The following TAFA5 variants were observed in gnomAD, a reference collection of about 807,000 sequenced individuals.
TAFA5 encodes the protein chemokine-like protein TAFA-5.
A neutral mutation model predicts 15.3 loss-of-function variants in TAFA5; 6 were observed. The observed-to-expected ratio is 0.39, with a 90% CI of 0.21 to 0.77. The LOEUF (loss-of-function observed/expected upper bound fraction) is 0.77. TAFA5 is among the 30% of genes least tolerant of loss of function. The probability of loss-of-function intolerance (pLI) is 0.41; values close to 1 mark genes in which losing one functional copy is unlikely to be tolerated. For synonymous variants in TAFA5, 103 were observed against 80.7 expected (o/e 1.28, Z -1.48); for missense variants, 161 against 193.1 (o/e 0.83, Z 0.98).
At chr22:48,542,478 GTGGT>G (rs1215193345) in intron 1 of TAFA5, among the ~76,000 whole-genome samples, 3 of 66,348 alleles carry the variant, frequency 4.5e-5, no homozygotes, top group Non-Finnish European at 7.8e-5. Flanking sequence ...GTATGTGTGT[GTGGT>G]GTGTGTGTGG....
intron 3 of TAFA5, among the ~76,000 whole-genome samples, chr22:48,721,402 CTGTG>C (rs1345133259): frequency 6.6e-6 from 1 of 152,226 alleles, no homozygotes; most frequent in Non-Finnish European, 1.5e-5. Flanking sequence ...AGCCCGTCCA[CTGTG>C]TGTGATCTCA....
At chr22:48,673,571 C>G (rs1458021479) in intron 2 of TAFA5, among the ~76,000 whole-genome samples, 1 of 152,172 alleles carries the variant, frequency 6.6e-6, no homozygotes, top group African/African-American at 2.4e-5. Context: ...ATGGCTGGTG[C>G]CCTGTCGCTG....
intron 3 of TAFA5, among the ~76,000 whole-genome samples, chr22:48,724,235 C>T (rs1388061831): frequency 6.6e-6 from 1 of 152,230 alleles, no homozygotes; most frequent in Non-Finnish European, 1.5e-5. Context: ...TGCATTGCTG[C>T]ATCTCTCAAA....
intron 3 of TAFA5, among the ~76,000 whole-genome samples, chr22:48,718,136 T>C (rs1929457931): frequency 6.6e-6 from 1 of 152,098 alleles, no homozygotes; most frequent in Admixed American, 6.5e-5. Context: ...GGGTCTGCAA[T>C]GCCCTCTCCC....
intron 3 of TAFA5, among the ~76,000 whole-genome samples, chr22:48,710,642 C>T (rs979482176): frequency 3.3e-5 from 5 of 152,224 alleles, no homozygotes; most frequent in Non-Finnish European, 7.3e-5. Flanking sequence ...TCAGTCCAAG[C>T]CCACAGGGCC....
At chr22:48,738,020 G>C (rs1169191023) in intron 3 of TAFA5, among the ~76,000 whole-genome samples, 2 of 152,150 alleles carry the variant, frequency 1.3e-5, no homozygotes, top group Non-Finnish European at 2.9e-5. Flanking sequence ...GAGGACATGA[G>C]GGAGATCCTG....
rs528478233 is a variant in TAFA5 at position 48,602,039 on chromosome 22, G to A, written c.113-44558G>A. On this transcript the variant is annotated intron_variant, in intron 1 of 3. Coordinates refer to ENST00000402357, the MANE Select transcript of TAFA5 (RefSeq NM_001082967.3). ...ACGCTGGTGGGTTAAGCCCTCAGAG[G>A]TCTGTGGCTGGCACCAGCCTTCATC... Among the ~76,000 whole-genome samples the A allele has an allele frequency of 5.3e-5, 8 of 152,272 alleles. No individual in the cohort carries two copies. In the South Asian group the frequency reaches 1.7e-3, roughly 32 times the overall value.
chr22:48,683,976 C>T (rs1928276100), intron 2 of TAFA5, among the ~76,000 whole-genome samples: 1 of 152,182 alleles, frequency 6.6e-6, no homozygotes, highest in Non-Finnish European at 1.5e-5. Context: ...TGTGGCCTCC[C>T]CAGCCATGAG....
chr22:48,661,118 C>T (rs1177990782), intron 2 of TAFA5, among the ~76,000 whole-genome samples: 4 of 152,194 alleles, frequency 2.6e-5, no homozygotes, highest in African/African-American at 9.7e-5. Context: ...AGAGCACGTA[C>T]GGGGTGTGTG....
chr22:48,521,665 G>A (rs1327088375), intron 1 of TAFA5, among the ~76,000 whole-genome samples: 1 of 152,182 alleles, frequency 6.6e-6, no homozygotes, highest in Non-Finnish European at 1.5e-5. Context: ...GGGAGACGGA[G>A]GATGCGTGGC....
intron 3 of TAFA5, among the ~76,000 whole-genome samples, chr22:48,715,929 G>A (rs2147257150): frequency 6.6e-6 from 1 of 152,332 alleles, no homozygotes; most frequent in South Asian, 2.1e-4. Flanking sequence ...TTTGTATAAG[G>A]TGTAAGGAAG....
intron 3 of TAFA5, among the ~76,000 whole-genome samples, 199 bp from the exon 4 acceptor site, chr22:48,749,638 CGA>C (rs1930424436): frequency 6.6e-6 from 1 of 152,168 alleles, no homozygotes; most frequent in Non-Finnish European, 1.5e-5. Flanking sequence ...CCCACTCTCC[CGA>C]GACACAAGGA....
rs138706678 is a variant in TAFA5, at chr22:48,646,259, G to T, written c.113-338G>T. On this transcript the variant is annotated intron_variant, in intron 1 of 3. Coordinates refer to ENST00000402357, the MANE Select transcript of TAFA5 (RefSeq NM_001082967.3). ...TCCAGCAGGTGCCTGATTGTGTGCA[G>T]GGGAGCCAGCTCCCTCCTTGTGATC... Among the ~76,000 whole-genome samples, 942 of 152,308 alleles carry T rather than the reference G, an allele frequency of 6.2e-3. 7 individuals are homozygous for T. The highest frequency in any genetic ancestry group is 0.021 in the African/African-American group (870 of 41,564).
At chr22:48,574,249 G>A (rs1222866541) in intron 1 of TAFA5, among the ~76,000 whole-genome samples, 1 of 152,208 alleles carries the variant, frequency 6.6e-6, no homozygotes, top group Non-Finnish European at 1.5e-5. Flanking sequence ...TAGGTGAGAG[G>A]AGTTGGATGG....
At chr22:48,546,279 C>T (rs1379217934) in intron 1 of TAFA5, among the ~76,000 whole-genome samples, 7 of 152,234 alleles carry the variant, frequency 4.6e-5, no homozygotes, top group African/African-American at 9.6e-5. Context: ...CCCATGCCGG[C>T]GTGCGCTGAC....
At chr22:48,644,823 A>C (rs917242117) in intron 1 of TAFA5, among the ~76,000 whole-genome samples, 1 of 152,154 alleles carries the variant, frequency 6.6e-6, no homozygotes, top group African/African-American at 2.4e-5. Flanking sequence ...CAAGGGTGGG[A>C]TGGCCACCCT....
intron 1 of TAFA5, among the ~76,000 whole-genome samples, chr22:48,565,076 C>T (rs1048866197): frequency 2.6e-5 from 4 of 152,224 alleles, no homozygotes; most frequent in African/African-American, 7.2e-5. Context: ...ACCTCATGGC[C>T]GTGGTGGGGC....
intron 2 of TAFA5, among the ~76,000 whole-genome samples, chr22:48,669,766 C>G (rs1251417404): frequency 6.6e-6 from 1 of 152,220 alleles, no homozygotes; most frequent in Non-Finnish European, 1.5e-5. Context: ...CCACCTGCTT[C>G]CCAGCCCCAT....
intron 1 of TAFA5, among the ~76,000 whole-genome samples, chr22:48,540,919 G>A (rs1922347318): frequency 2.0e-5 from 3 of 150,722 alleles, no homozygotes; most frequent in Non-Finnish European, 2.9e-5. Context: ...TTTATTAGAA[G>A]CCGGCCAGGT....
Sources: allele counts gnomAD v4.1 joint callset (sites outside exome capture counted in the v4.1 genomes callset), GRCh38; gene constraint gnomAD v4.1.1; transcripts MANE v1.5; gene names NCBI Gene and HGNC (gene_info 2026-07-23, HGNC 2026-07-21).